YEATS4: variants seen among roughly 807,000 people sequenced by gnomAD.
YEATS4 encodes YEATS domain containing 4.
Under a neutral mutation model 30.1 loss-of-function variants are expected in YEATS4, and 17 were observed. The ratio of observed to expected loss-of-function variants is 0.56; its 90% CI spans 0.39 to 0.85. YEATS4 has a LOEUF of 0.85. Ranked by LOEUF, YEATS4 falls within the 40% of genes least tolerant of loss-of-function variation. YEATS4 has a pLI of 0.00. For missense variants in YEATS4, 142 were observed against 268.3 expected, an observed-to-expected ratio of 0.53 and a Z score of 3.29; for synonymous variants, 85 against 87.5, an observed-to-expected ratio of 0.97 and a Z score of 0.16.
At chr12:69,407,140 C>CTTT in the YEATS4 span, among the ~76,000 whole-genome samples, 1 of 142,522 alleles carries the variant, frequency 7.0e-6, no homozygotes, top group Non-Finnish European at 1.5e-5. Context: ...TTTATACATT[C>CTTT]TTTTTTTTTT....
intron 1 of YEATS4, among the ~76,000 whole-genome samples, chr12:69,360,769 G>A (rs567966160): frequency 2.1e-4 from 32 of 151,566 alleles, no homozygotes; most frequent in Non-Finnish European, 1.9e-4. Flanking sequence ...AAAGTGCTGG[G>A]ATTACAGGCG....
At chr12:69,394,036 T>A (rs1364597421), downstream of YEATS4, among the ~76,000 whole-genome samples, 3 of 152,078 alleles carry the variant, frequency 2.0e-5, no homozygotes, top group Non-Finnish European at 4.4e-5. Context: ...GATCATTGAA[T>A]GTAATAGAAG....
chr12:69,385,280 T>C (rs1876228792), intron 6 of YEATS4, among the ~76,000 whole-genome samples: 1 of 126,090 alleles, frequency 7.9e-6, no homozygotes, highest in South Asian at 2.5e-4. Flanking sequence ...TTTTAAATAG[T>C]TGTACCGATT....
At chr12:69,368,036 A>C (rs1378677967) in intron 4 of YEATS4, among the ~76,000 whole-genome samples, 2 of 152,206 alleles carry the variant, frequency 1.3e-5, no homozygotes, top group East Asian at 3.8e-4. Flanking sequence ...AACCTATTGC[A>C]CTGCTATAGT....
chr12:69,365,068 CAA>C (rs1049439676), intron 2 of YEATS4, among the ~76,000 whole-genome samples: 1 of 149,924 alleles, frequency 6.7e-6, no homozygotes, highest in African/African-American at 2.5e-5. Context: ...CAAGATTTGC[CAA>C]AAAAAAAGTT....
chr12:69,415,259 C>T, the YEATS4 span, among the ~76,000 whole-genome samples: 2 of 152,078 alleles, frequency 1.3e-5, no homozygotes, highest in Admixed American at 1.3e-4. Context: ...CTCAGTAGCT[C>T]CAAACCAACA....
At chr12:69,391,384 C>T (rs1422202980), downstream of YEATS4, among the ~76,000 whole-genome samples, 1 of 152,182 alleles carries the variant, frequency 6.6e-6, no homozygotes, top group Non-Finnish European at 1.5e-5. Flanking sequence ...CTACCCTCTC[C>T]TCTTTAGCCT....
At chr12:69,416,951 T>C in the YEATS4 span, among the ~76,000 whole-genome samples, 7 of 151,572 alleles carry the variant, frequency 4.6e-5, no homozygotes, top group African/African-American at 1.7e-4. Context: ...TGGGTGCCTG[T>C]AATCCCAGCT....
chr12:69,421,495 C>G, the YEATS4 span, among the ~76,000 whole-genome samples: 1 of 152,068 alleles, frequency 6.6e-6, no homozygotes, highest in Non-Finnish European at 1.5e-5. Flanking sequence ...CATTAGGAAT[C>G]TAGGAGAACC....
At chr12:69,373,814 T>C (rs1165331958) in intron 6 of YEATS4, among the ~76,000 whole-genome samples, 3 of 152,216 alleles carry the variant, frequency 2.0e-5, no homozygotes, top group Non-Finnish European at 4.4e-5. Flanking sequence ...TGGCGAGAGA[T>C]AGGAGTCTAG....
the YEATS4 span, among the ~76,000 whole-genome samples, chr12:69,404,814 A>G: frequency 1.3e-5 from 2 of 152,248 alleles, no homozygotes; most frequent in East Asian, 3.9e-4. Flanking sequence ...GGCCATGTTT[A>G]TATTATGTGA....
intron 6 of YEATS4, among the ~76,000 whole-genome samples, chr12:69,388,358 C>G (rs893600757): frequency 5.3e-5 from 8 of 152,154 alleles, no homozygotes; most frequent in East Asian, 1.9e-4. Flanking sequence ...TTAGCTGTAT[C>G]GTACAAAGAG....
chr12:69,402,336 CG>C, the YEATS4 span, among the ~76,000 whole-genome samples: 73 of 83,826 alleles, frequency 8.7e-4, 1 homozygote, highest in Middle Eastern at 0.017. Context: ...TGGGGCCATT[CG>C]TTGTGGGCCT....
At chr12:69,396,379 T>C in the YEATS4 span, among the ~76,000 whole-genome samples, 3 of 152,220 alleles carry the variant, frequency 2.0e-5, no homozygotes. Context: ...GATTCAATTT[T>C]AATTCAGCAT....
the YEATS4 span, among the ~76,000 whole-genome samples, chr12:69,425,114 G>A: frequency 3.3e-5 from 5 of 151,898 alleles, no homozygotes; most frequent in Non-Finnish European, 5.9e-5. Flanking sequence ...TAGAGACGGG[G>A]GTTTCTCCGT....
At chr12:69,362,746 A>G in intron 1 of YEATS4, 42 bp from the exon 2 acceptor site, 1 of 1,486,118 alleles carries the variant, frequency 6.7e-7, no homozygotes, top group Non-Finnish European at 9.1e-7. Context: ...TATTTAGCTA[A>G]TGGTACAATA....
At position 69,365,789 on chromosome 12, in the gene YEATS4, G is replaced by A. The variant is rs775591376; in HGVS notation, c.239-1G>A. On this transcript the variant is annotated splice_acceptor_variant, in intron 3 of 6. Transcript: ENST00000247843. LOFTEE classifies it high-confidence loss of function. ...ATTTACTATTTTTTTTCTGTCTTTA[G>A]TTGTTACTAAACCTCCATATGAAAT... is the stretch of plus-strand genomic sequence containing the variant. The A allele has an allele frequency of 3.7e-6, 6 of 1,607,620 alleles. No individual in the cohort carries two copies. In the East Asian group the frequency reaches 1.3e-4, roughly 36 times the overall value.
At chr12:69,360,119 C>T in intron 1 of YEATS4, 96 bp downstream of exon 1, 3 of 1,382,024 alleles carry the variant, frequency 2.2e-6, no homozygotes, top group South Asian at 1.3e-5. Flanking sequence ...CCTTTCGCGC[C>T]TTTTCTCCTC....
intron 4 of YEATS4, among the ~76,000 whole-genome samples, chr12:69,367,414 C>T (rs1341093937): frequency 6.6e-6 from 1 of 151,930 alleles, no homozygotes; most frequent in Admixed American, 6.6e-5. Context: ...GCTGCCCAGG[C>T]TGGAGTACAG....
Sources: gnomAD v4.1 joint callset for allele counts (sites outside exome capture counted in the v4.1 genomes callset) on GRCh38, gnomAD v4.1.1 for gene constraint, MANE v1.5 for transcripts, NCBI Gene and HGNC (gene_info 2026-07-23, HGNC 2026-07-21) for gene names.